NPNT: variants seen among roughly 807,000 people sequenced by gnomAD.
The protein encoded by NPNT is preosteoblast EGF-like repeat protein with MAM domain.
A neutral mutation model predicts 68.6 loss-of-function variants in NPNT; 45 were observed. The ratio of observed to expected loss-of-function variants is 0.66; its 90% CI spans 0.52 to 0.84. The LOEUF is 0.84. Ranked by LOEUF, NPNT falls within the 40% of genes least tolerant of loss-of-function variation. NPNT has a pLI of 0.00. For missense variants in NPNT, 672 were observed against 714.8 expected, an observed-to-expected ratio of 0.94 and a Z score of 0.68; for synonymous variants, 233 against 253.3, an observed-to-expected ratio of 0.92 and a Z score of 0.76.
chr4:105,915,661 C>T (rs924709157), intron 2 of NPNT, among the ~76,000 whole-genome samples: 1 of 152,124 alleles, frequency 6.6e-6, no homozygotes, highest in Non-Finnish European at 1.5e-5. Context: ...GTCTCTAGGA[C>T]ATCATTTGGT....
At chr4:105,914,471 T>TTA (rs1308593923) in intron 2 of NPNT, among the ~76,000 whole-genome samples, 11 of 138,030 alleles carry the variant, frequency 8.0e-5, no homozygotes, top group African/African-American at 2.2e-4. Context: ...ATATAATATA[T>TTA]TATATATATA....
chr4:105,964,096 G>A (rs1289124507), intron 10 of NPNT, among the ~76,000 whole-genome samples: 2 of 152,058 alleles, frequency 1.3e-5, no homozygotes, highest in Non-Finnish European at 2.9e-5. Context: ...TACTTAAATG[G>A]GGATAATAAG....
intron 8 of NPNT, among the ~76,000 whole-genome samples, chr4:105,945,672 C>G (rs1002542076): frequency 6.6e-6 from 1 of 152,186 alleles, no homozygotes. Flanking sequence ...CCATCTCTCC[C>G]CTGGAATACA....
chr4:105,936,362 A>G (rs1030214430), intron 3 of NPNT, among the ~76,000 whole-genome samples: 10 of 152,240 alleles, frequency 6.6e-5, no homozygotes, highest in Non-Finnish European at 1.2e-4. Flanking sequence ...AAAATCTACC[A>G]GATTGAACAA....
chr4:105,926,358 A>G (rs965812957), intron 2 of NPNT, among the ~76,000 whole-genome samples: 1 of 152,192 alleles, frequency 6.6e-6, no homozygotes, highest in Non-Finnish European at 1.5e-5. Flanking sequence ...AGGGACATGC[A>G]CATATTTGGT....
chr4:105,909,381 A>G (rs1257056076), intron 2 of NPNT, among the ~76,000 whole-genome samples: 1 of 152,208 alleles, frequency 6.6e-6, no homozygotes, highest in Non-Finnish European at 1.5e-5. Flanking sequence ...CCAAGAATTA[A>G]GACATTCTGA....
At chr4:105,899,832 A>C (rs1302426382) in intron 2 of NPNT, among the ~76,000 whole-genome samples, 1 of 152,190 alleles carries the variant, frequency 6.6e-6, no homozygotes, top group East Asian at 1.9e-4. Flanking sequence ...AGATGGCGCA[A>C]ATGTCTCTTG....
rs1055235801 is a variant in NPNT at position 105,942,378 on chromosome 4, G to A, written c.835G>A (p.Gly279Ser). 1 of 1,613,312 alleles carries A rather than the reference G, an allele frequency of 6.2e-7. No individual in the cohort carries two copies. Among genetic ancestry groups the A allele is most frequent in the Non-Finnish European group, 8.5e-7 (1 of 1,179,624 alleles). The change falls in exon 8 of 12, where the codon GGT (glycine) becomes AGT (serine). Residue 279 changes from glycine to serine, a missense_variant. By Grantham distance (56) the Gly-to-Ser change is moderately conservative. Transcript: ENST00000379987. ...VPKGNGTILK[G>S]DTGNNNWIPD... ...AAAGGGAAATGGTACCATTTTAAAGGGTGACACAGGAAATAATAATTGGAT... is the reference window on the plus strand; with the variant it reads ...AAAGGGAAATGGTACCATTTTAAAGAGTGACACAGGAAATAATAATTGGAT...
rs145874340 is a variant in NPNT at position 105,904,578 on chromosome 4, G to A, written c.172+6577G>A. On this transcript the variant is annotated intron_variant, in intron 2 of 11. Coordinates refer to ENST00000379987, the MANE Select transcript of NPNT (RefSeq NM_001033047.3). ...GAGTGAGATGTGTCCATTTGCCAGGGTCTCCCAGTGGCTTCCTGCCTATCA... is the reference window on the plus strand; with the variant it reads ...GAGTGAGATGTGTCCATTTGCCAGGATCTCCCAGTGGCTTCCTGCCTATCA... Among the ~76,000 whole-genome samples, 40 of 152,292 alleles carry A rather than the reference G, an allele frequency of 2.6e-4. No individual in the cohort carries two copies. In the East Asian group the frequency reaches 7.7e-3, roughly 29 times the overall value.
intron 2 of NPNT, among the ~76,000 whole-genome samples, chr4:105,898,328 GTCTCTCTCTCTCTCTCTCTCTCTCTC>G (rs66945682): frequency 3.7e-5 from 2 of 53,936 alleles, no homozygotes; most frequent in Non-Finnish European, 7.1e-5. Context: ...CTCTCTCTCT[GTCTCTCTCTCTCTCTCTCTCTCTCTC>G]TCTCTCTCTC....
chr4:105,905,548 A>G (rs1703956667), intron 2 of NPNT, among the ~76,000 whole-genome samples: 1 of 152,070 alleles, frequency 6.6e-6, no homozygotes, highest in Admixed American at 6.6e-5. Flanking sequence ...ATGTAACACT[A>G]CGTTTTGGAA....
intron 10 of NPNT, among the ~76,000 whole-genome samples, chr4:105,966,492 A>T (rs1213574409): frequency 6.6e-6 from 1 of 152,194 alleles, no homozygotes; most frequent in Non-Finnish European, 1.5e-5. Context: ...TAGATATGAT[A>T]TAGATTTGTT....
intron 10 of NPNT, 32 bp downstream of exon 10, chr4:105,959,158 C>T (rs1375691723): frequency 1.4e-6 from 2 of 1,381,954 alleles, no homozygotes; most frequent in Non-Finnish European, 2.1e-6. Flanking sequence ...TTTTCTGGTA[C>T]ACATTTCAAT....
chr4:105,913,252 TG>T, intron 2 of NPNT, among the ~76,000 whole-genome samples: 1 of 152,350 alleles, frequency 6.6e-6, no homozygotes, highest in South Asian at 2.1e-4. Flanking sequence ...AAAAAATATT[TG>T]GGAACAAAAT....
chr4:105,946,727 G>A (rs1392373930), intron 8 of NPNT, among the ~76,000 whole-genome samples: 2 of 152,144 alleles, frequency 1.3e-5, no homozygotes, highest in African/African-American at 2.4e-5. Context: ...TGCTTCTGAG[G>A]AAACAGGACA....
chr4:105,947,798 A>C (rs1730504256), intron 8 of NPNT, among the ~76,000 whole-genome samples: 1 of 152,146 alleles, frequency 6.6e-6, no homozygotes, highest in African/African-American at 2.4e-5. Flanking sequence ...CAAATGATCG[A>C]GTCAAAGATA....
intron 4 of NPNT, among the ~76,000 whole-genome samples, chr4:105,937,914 T>C (rs191863652): frequency 2.0e-5 from 3 of 152,334 alleles, no homozygotes; most frequent in Non-Finnish European, 4.4e-5. Context: ...TTTTTGGAAT[T>C]AGGTGAATAC....
chr4:105,899,568 A>C (rs1560883371), intron 2 of NPNT, among the ~76,000 whole-genome samples: 1 of 152,194 alleles, frequency 6.6e-6, no homozygotes, highest in East Asian at 1.9e-4. Context: ...AATGTAATTG[A>C]CCCCCCGTGC....
chr4:105,948,702 C>T (rs903759341), intron 8 of NPNT, among the ~76,000 whole-genome samples: 3 of 152,072 alleles, frequency 2.0e-5, no homozygotes, highest in South Asian at 2.1e-4. Flanking sequence ...GCTGCTGCAG[C>T]TTCAATCTCT....
Sources: gnomAD v4.1 joint callset for allele counts (sites outside exome capture counted in the v4.1 genomes callset) on GRCh38, gnomAD v4.1.1 for gene constraint, MANE v1.5 for transcripts, NCBI Gene and HGNC (gene_info 2026-07-23, HGNC 2026-07-21) for gene names.